Variants in MECOM observed in about 807,000 individuals in gnomAD.
MECOM encodes the protein histone-lysine N-methyltransferase MECOM.
A neutral mutation model predicts 116.3 loss-of-function variants in MECOM; 13 were observed. The ratio of observed to expected loss-of-function variants is 0.11; its 90% CI spans 0.07 to 0.18. The LOEUF is 0.18. Ranked by LOEUF, MECOM falls within the 10% of genes least tolerant of loss-of-function variation. The pLI is 1.00. For missense variants in MECOM, 1,299 were observed against 1,509.0 expected (o/e 0.86, Z 2.31); for synonymous variants, 528 against 535.2 (o/e 0.99, Z 0.19).
At chr3:169,212,175 C>G (rs1266097740) in intron 2 of MECOM, among the ~76,000 whole-genome samples, 2 of 151,972 alleles carry the variant, frequency 1.3e-5, no homozygotes, top group Non-Finnish European at 2.9e-5. Flanking sequence ...CATTTTTTCT[C>G]TCTCTCCTTC....
At chr3:169,360,999 A>T (rs1728213883) in intron 2 of MECOM, among the ~76,000 whole-genome samples, 1 of 151,822 alleles carries the variant, frequency 6.6e-6, no homozygotes, top group Non-Finnish European at 1.5e-5. Context: ...GAGGAGGCAG[A>T]GTTTACAAGA....
intron 1 of MECOM, among the ~76,000 whole-genome samples, chr3:169,602,887 C>T (rs1767991697): frequency 6.6e-6 from 1 of 152,088 alleles, no homozygotes; most frequent in African/African-American, 2.4e-5. Flanking sequence ...TAGAAACATA[C>T]CACCAATTTT....
In MECOM at chr3:169,115,650, G is replaced by A. The variant is rs1728929978; in HGVS notation, c.2222C>T (p.Pro741Leu). 6.2e-7 allele frequency: 1 copy of A among 1,614,116 alleles called. No homozygotes were observed. The highest frequency in any genetic ancestry group is 8.5e-7 in the Non-Finnish European group (1 of 1,180,012). Reference protein sequence around the residue: ...KKLQKGSSESPFDLTTKRKDE... With the variant: ...KKLQKGSSESLFDLTTKRKDE... The stretch of plus-strand genomic sequence containing the variant: ...CTTTCGCTTAGTGGTGAGATCAAAG[G>A]GGGACTCAGAGCTGCCCTTCTGCAG... The change falls in exon 8 of 17, where the codon CCC becomes CTC. Residue 741 changes from proline (P) to leucine (L), a missense_variant. Coordinates refer to ENST00000651503, the MANE Select transcript of MECOM (RefSeq NM_004991.4).
rs541934064 is a variant in MECOM at position 169,639,190 on chromosome 3, T to A, written c.37+24146A>T. Among the ~76,000 whole-genome samples, 12 of 152,244 alleles carry A rather than the reference T, an allele frequency of 7.9e-5. No individual in the cohort carries two copies. In the East Asian group the frequency reaches 2.3e-3, roughly 29 times the overall value. ...GTTGGGATTTACCTGTTATAGCACC[T>A]AGCTCTCCCATATTAATATGGCATT... is the stretch of plus-strand genomic sequence containing the variant. On this transcript the variant is annotated intron_variant, in intron 1 of 16. Transcript: ENST00000651503.
At chr3:169,526,230 T>C (rs1051068070) in intron 1 of MECOM, among the ~76,000 whole-genome samples, 2 of 152,120 alleles carry the variant, frequency 1.3e-5, no homozygotes, top group African/African-American at 2.4e-5. Context: ...AGAGCCTTTT[T>C]CCAGATAGGC....
chr3:169,469,628 T>G (rs2108778040), intron 1 of MECOM, among the ~76,000 whole-genome samples: 1 of 152,230 alleles, frequency 6.6e-6, no homozygotes, highest in South Asian at 2.1e-4. Context: ...CCAGAAGTCC[T>G]CCTTTCAACT....
intron 2 of MECOM, among the ~76,000 whole-genome samples, chr3:169,325,536 A>T (rs1215997147): frequency 6.6e-6 from 1 of 152,180 alleles, no homozygotes; most frequent in Non-Finnish European, 1.5e-5. Context: ...CTTAACACCA[A>T]CAAACTTTGA....
chr3:169,541,707 G>T (rs528334527), intron 1 of MECOM, among the ~76,000 whole-genome samples: 1 of 152,260 alleles, frequency 6.6e-6, no homozygotes, highest in East Asian at 1.9e-4. Context: ...CTACCTCACT[G>T]AGCGAGGCCT....
chr3:169,609,780 A>G (rs1769029035), intron 1 of MECOM, among the ~76,000 whole-genome samples: 1 of 152,240 alleles, frequency 6.6e-6, no homozygotes, highest in Non-Finnish European at 1.5e-5. Context: ...CCAGAGTATA[A>G]TTAAAATTTC....
chr3:169,514,628 A>G (rs1756399510), intron 1 of MECOM, among the ~76,000 whole-genome samples: 1 of 152,214 alleles, frequency 6.6e-6, no homozygotes, highest in African/African-American at 2.4e-5. Flanking sequence ...AATTTTAAAC[A>G]GTGCTAGATT....
Position 169,451,892 on chromosome 3 carries a change from G to T in MECOM, c.38-70368C>A, listed in dbSNP as rs190486233. 9.2e-5 allele frequency among the ~76,000 whole-genome samples: 14 copies of T among 151,950 alleles called. No homozygotes were observed. The East Asian group carries it at 2.7e-3, about 30-fold the overall frequency. ...TAGACATGGTTTGCCTTAAACTGAG[G>T]CATAAAGCCCCACTGCTAACTGATA... On this transcript the variant is annotated intron_variant, in intron 1 of 16. Coordinates refer to ENST00000651503, the MANE Select transcript of MECOM (RefSeq NM_004991.4).
intron 3 of MECOM, chr3:169,133,841 G>T: frequency 9.8e-7 from 1 of 1,024,594 alleles, no homozygotes; most frequent in African/African-American, 1.7e-5. Context: ...ATACTTATAA[G>T]TACACTGTTT....
intron 2 of MECOM, among the ~76,000 whole-genome samples, chr3:169,347,462 T>C (rs1356716170): frequency 6.6e-6 from 1 of 152,044 alleles, no homozygotes; most frequent in Non-Finnish European, 1.5e-5. Context: ...ATGCAAGATA[T>C]TGTTGAAACT....
At position 169,594,891 on chromosome 3, in the gene MECOM, A is replaced by AC. The variant is rs201517177; in HGVS notation, c.37+68444dup. On this transcript the variant is annotated intron_variant, in intron 1 of 16. Transcript: ENST00000651503. ...CTGGATCTAACTGAAAAAAAAAAAAACAAAAAAAAAACTGGATCTATATTC... is the reference window on the plus strand; with the variant it reads ...CTGGATCTAACTGAAAAAAAAAAAAACCAAAAAAAAAACTGGATCTATATTC... 7.1e-4 allele frequency among the ~76,000 whole-genome samples: 106 copies of AC among 149,880 alleles called. No individual in the cohort carries two copies. In the South Asian group the frequency reaches 8.1e-3, roughly 11 times the overall value.
At chr3:169,210,695 T>C (rs1340179110) in intron 2 of MECOM, among the ~76,000 whole-genome samples, 1 of 152,162 alleles carries the variant, frequency 6.6e-6, no homozygotes, top group African/African-American at 2.4e-5. Context: ...ATACACCATG[T>C]AACCACCGCC....
intron 1 of MECOM, among the ~76,000 whole-genome samples, chr3:169,626,914 C>T (rs1292871859): frequency 6.6e-6 from 1 of 151,506 alleles, no homozygotes; most frequent in Non-Finnish European, 1.5e-5. Flanking sequence ...CTTAATATGT[C>T]TCCATAAACA....
At chr3:169,353,790 A>G (rs1726792657) in intron 2 of MECOM, among the ~76,000 whole-genome samples, 1 of 151,918 alleles carries the variant, frequency 6.6e-6, no homozygotes, top group Non-Finnish European at 1.5e-5. Context: ...ATATAACAAT[A>G]CAAACTGTAA....
intron 1 of MECOM, among the ~76,000 whole-genome samples, chr3:169,477,782 C>T (rs142317761): frequency 6.6e-6 from 1 of 152,274 alleles, no homozygotes; most frequent in East Asian, 1.9e-4. Flanking sequence ...AATGTGAGAG[C>T]TTGTTTTAGC....
At chr3:169,662,796 T>C (rs949075838) in intron 1 of MECOM, among the ~76,000 whole-genome samples, 6 of 152,028 alleles carry the variant, frequency 3.9e-5, no homozygotes, top group Non-Finnish European at 8.8e-5. Flanking sequence ...GCCGCCACTG[T>C]GGCTCCCTCT....
Sources: gnomAD v4.1 joint callset for allele counts (sites outside exome capture counted in the v4.1 genomes callset) on GRCh38, gnomAD v4.1.1 for gene constraint, MANE v1.5 for transcripts, NCBI Gene and HGNC (gene_info 2026-07-23, HGNC 2026-07-21) for gene names.